Variants in SMCHD1 observed in about 807,000 individuals in gnomAD.
SMCHD1 encodes structural maintenance of chromosomes flexible hinge domain containing 1.
A neutral mutation model predicts 254.7 loss-of-function variants in SMCHD1; 78 were observed. The ratio of observed to expected loss-of-function variants is 0.31; its 90% confidence interval spans 0.26 to 0.37. The LOEUF (loss-of-function observed/expected upper bound fraction) is 0.37. Among genes scored for constraint, SMCHD1 ranks in the 10% least tolerant of loss-of-function variants. The probability of loss-of-function intolerance (pLI) is 1.00; values close to 1 mark genes in which losing one functional copy is unlikely to be tolerated. For synonymous variants in SMCHD1, 766 were observed against 794.9 expected, an observed-to-expected ratio of 0.96 and a Z score of 0.61; for missense variants, 1,840 against 2,408.1, an observed-to-expected ratio of 0.76 and a Z score of 4.94.
chr18:2,756,902 A>AT (rs1568320977), intron 34 of SMCHD1, among the ~76,000 whole-genome samples: 1 of 151,416 alleles, frequency 6.6e-6, no homozygotes, highest in African/African-American at 2.5e-5. Context: ...TCTTGACACT[A>AT]TTTGTACTCT....
chr18:2,708,701 C>T (rs62084218), intron 17 of SMCHD1, among the ~76,000 whole-genome samples: 28,326 of 148,332 alleles, frequency 0.19, 2,997 homozygotes, highest in South Asian at 0.27. Context: ...CTGCAACCTC[C>T]GCTTCCCCTG....
chr18:2,670,738 T>C (rs186506111), intron 3 of SMCHD1, among the ~76,000 whole-genome samples: 4 of 151,804 alleles, frequency 2.6e-5, no homozygotes, highest in Non-Finnish European at 5.9e-5. Context: ...CCGTCTCTAC[T>C]AAAAGTACAA....
chr18:2,664,006 C>T (rs1299695632), intron 1 of SMCHD1, among the ~76,000 whole-genome samples: 4 of 152,114 alleles, frequency 2.6e-5, no homozygotes, highest in African/African-American at 9.7e-5. Flanking sequence ...TGAGCCACCG[C>T]GCCCGGCCTA....
intron 34 of SMCHD1, among the ~76,000 whole-genome samples, chr18:2,759,473 C>G (rs2075741679): frequency 7.7e-6 from 1 of 130,430 alleles, no homozygotes; most frequent in East Asian, 2.7e-4. Flanking sequence ...CTTGTTAACT[C>G]TAACATTTTC....
At chr18:2,737,701 T>A (rs1407118819) in intron 25 of SMCHD1, among the ~76,000 whole-genome samples, 2 of 152,166 alleles carry the variant, frequency 1.3e-5, no homozygotes, top group Non-Finnish European at 2.9e-5. Flanking sequence ...AGTGAGACCT[T>A]GTCTATAAAA....
chr18:2,746,823 G>C (rs183294985), intron 29 of SMCHD1, among the ~76,000 whole-genome samples: 2 of 152,206 alleles, frequency 1.3e-5, no homozygotes, highest in East Asian at 3.9e-4. Flanking sequence ...CTTTTGTCAG[G>C]TATCTTGTTT....
At position 2,688,563 on chromosome 18, in the gene SMCHD1, C is replaced by G. The variant is rs910972573; in HGVS notation, c.753+55C>G. On this transcript the variant is annotated intron_variant, in intron 6 of 47. Transcript: ENST00000320876. ...GTTGATCAAAATATTTTGAAGTTGA[C>G]TCTGTCTAAATGCATTAACCAGTTT... The G allele has an allele frequency of 2.8e-5, 45 of 1,588,376 alleles. 1 individual carries two copies. In the African/African-American group the frequency reaches 4.0e-4, roughly 14 times the overall value.
intron 14 of SMCHD1, among the ~76,000 whole-genome samples, chr18:2,706,015 C>T (rs2074505509): frequency 6.6e-6 from 1 of 152,060 alleles, no homozygotes; most frequent in Non-Finnish European, 1.5e-5. Context: ...AACATATATA[C>T]ATTATAACTA....
At position 2,696,299 on chromosome 18, in the gene SMCHD1, G is replaced by C. The variant is rs541492427; in HGVS notation, c.1041-733G>C. 4.1e-3 allele frequency among the ~76,000 whole-genome samples: 619 copies of C among 152,248 alleles called. 4 individuals carry two copies. Among genetic ancestry groups the C allele is most frequent in the African/African-American group, 0.014 (599 of 41,538 alleles). On this transcript the variant is annotated intron_variant, in intron 8 of 47. Coordinates refer to ENST00000320876, the MANE Select transcript of SMCHD1 (RefSeq NM_015295.3). ...CGGTCGTGAACTGGTACCCATCTGT[G>C]GCCTTTTAGGAACCCGGCCCCACAG... is the stretch of plus-strand genomic sequence containing the variant.
chr18:2,675,078 CTT>C (rs2073709935), intron 5 of SMCHD1, among the ~76,000 whole-genome samples: 1 of 152,318 alleles, frequency 6.6e-6, no homozygotes, highest in East Asian at 1.9e-4. Context: ...ACTTACTTTA[CTT>C]CTCTGTGCCT....
At chr18:2,682,103 T>G (rs2073943808) in intron 5 of SMCHD1, among the ~76,000 whole-genome samples, 1 of 152,178 alleles carries the variant, frequency 6.6e-6, no homozygotes, top group Admixed American at 6.5e-5. Flanking sequence ...GCACATTTAT[T>G]CTAGAGGCTC....
chr18:2,760,008 T>A (rs1304801565), intron 34 of SMCHD1, among the ~76,000 whole-genome samples: 1 of 152,244 alleles, frequency 6.6e-6, no homozygotes, highest in Non-Finnish European at 1.5e-5. Context: ...ATTCAAAGCC[T>A]GTGCTTTGTA....
chr18:2,762,995 G>A (rs894211877), intron 36 of SMCHD1, among the ~76,000 whole-genome samples: 1 of 152,158 alleles, frequency 6.6e-6, no homozygotes, highest in Non-Finnish European at 1.5e-5. Flanking sequence ...TGAAGCATAA[G>A]CAGCAACACA....
chr18:2,660,761 C>T (rs777220783), intron 1 of SMCHD1, among the ~76,000 whole-genome samples: 2 of 151,920 alleles, frequency 1.3e-5, no homozygotes, highest in Non-Finnish European at 2.9e-5. Flanking sequence ...TACAGGCATG[C>T]GCCACCATGC....
chr18:2,696,335 G>A (rs2074284989), intron 8 of SMCHD1, among the ~76,000 whole-genome samples: 1 of 152,138 alleles, frequency 6.6e-6, no homozygotes, highest in South Asian at 2.1e-4. Flanking sequence ...TGAGTGGTGG[G>A]CCCGAGTGAG....
intron 17 of SMCHD1, among the ~76,000 whole-genome samples, chr18:2,717,442 T>TCCTCCCATCTCATCCTCTCAGGTAGC (rs1258423534): frequency 6.6e-6 from 1 of 152,180 alleles, no homozygotes; most frequent in Non-Finnish European, 1.5e-5. Flanking sequence ...GCTCAAGTAG[T>TCCTCCCATCTCATCCTCTCAGGTAGC]CCTCCCATCT....
At chr18:2,777,350 A>G (rs934315941) in intron 42 of SMCHD1, among the ~76,000 whole-genome samples, 3 of 152,146 alleles carry the variant, frequency 2.0e-5, no homozygotes, top group Non-Finnish European at 2.9e-5. Context: ...GTTATCATCT[A>G]CTGGCTTCAA....
At position 2,673,412 on chromosome 18, in the gene SMCHD1, T is replaced by C. The variant is rs761525016; in HGVS notation, c.507+49T>C. On this transcript the variant is annotated intron_variant, in intron 4 of 47. Coordinates refer to ENST00000320876, the MANE Select transcript of SMCHD1 (RefSeq NM_015295.3). Reference sequence around the variant, plus strand: ...AATTTAACTTTTCCTTTTGTAAGAGTAATAAAAGTTTATTGGAGAAAATGA... The same window carrying C: ...AATTTAACTTTTCCTTTTGTAAGAGCAATAAAAGTTTATTGGAGAAAATGA... 29 of 1,265,612 alleles carry C rather than the reference T, an allele frequency of 2.3e-5. No homozygotes were observed. In the African/African-American group the frequency reaches 4.2e-4, roughly 18 times the overall value. 78.4% of individuals were successfully genotyped at this position (1,265,612 alleles called of 1,614,324 possible). A position where few individuals can be genotyped will look rare whatever the true frequency, so the allele number is the denominator to read the frequency against.
intron 1 of SMCHD1, among the ~76,000 whole-genome samples, chr18:2,658,002 A>G (rs2073124877): frequency 6.6e-6 from 1 of 151,202 alleles, no homozygotes; most frequent in Admixed American, 6.6e-5. Flanking sequence ...TGTGTTGCCC[A>G]GGCTAGTCTC....
Sources: gnomAD v4.1 joint callset for allele counts (sites outside exome capture counted in the v4.1 genomes callset) on GRCh38, gnomAD v4.1.1 for gene constraint, MANE v1.5 for transcripts, NCBI Gene and HGNC (gene_info 2026-07-23, HGNC 2026-07-21) for gene names.